Variants in LPP observed in about 807,000 individuals in gnomAD.
The protein encoded by LPP is LIM domain containing preferred translocation partner in lipoma, also known as lipoma-preferred partner.
Under a neutral mutation model 60.4 loss-of-function variants are expected in LPP, and 38 were observed. The observed-to-expected ratio is 0.63, with a 90% CI of 0.49 to 0.83. LPP has a LOEUF of 0.83. Ranked by LOEUF, LPP falls within the 40% of genes least tolerant of loss-of-function variation. LPP has a pLI of 0.00. For synonymous variants in LPP, 328 were observed against 290.8 expected, an observed-to-expected ratio of 1.13 and a Z score of -1.30; for missense variants, 902 against 783.6, an observed-to-expected ratio of 1.15 and a Z score of -1.80.
chr3:188,457,632 C>T (rs1399364054), intron 4 of LPP, among the ~76,000 whole-genome samples: 5 of 151,690 alleles, frequency 3.3e-5, no homozygotes, highest in Admixed American at 6.6e-5. Context: ...GTGGCTCACA[C>T]CTGTAATCCA....
At chr3:188,212,047 C>G (rs991307586) in intron 1 of LPP, among the ~76,000 whole-genome samples, 1 of 152,008 alleles carries the variant, frequency 6.6e-6, no homozygotes, top group Admixed American at 6.6e-5. Flanking sequence ...TTAGTAGAGA[C>G]CAGTTTTCAC....
At chr3:188,575,119 T>C (rs1834331951) in intron 6 of LPP, among the ~76,000 whole-genome samples, 1 of 152,140 alleles carries the variant, frequency 6.6e-6, no homozygotes, top group Admixed American at 6.5e-5. Flanking sequence ...AAATTGCCTC[T>C]GACATGGCAG....
intron 9 of LPP, among the ~76,000 whole-genome samples, chr3:188,783,990 A>C (rs564132135): frequency 6.6e-6 from 1 of 152,136 alleles, no homozygotes; most frequent in Non-Finnish European, 1.5e-5. Context: ...GTAAGTTCTT[A>C]GTGGTGATTT....
At position 188,881,058 on chromosome 3, in the gene LPP, T is replaced by G; in HGVS notation, c.*6579T>G. ...AGGAGGCTGAGGCAGGAGAATGGCG[T>G]GAACCCGGGAAGCGGAGCTTTCAGT... On this transcript the variant is annotated 3_prime_UTR_variant, in exon 12 of 12. Transcript: ENST00000617246. The G allele has an allele frequency of 6.4e-6, 1 of 155,334 alleles. No homozygotes were observed. The highest frequency in any genetic ancestry group is 1.4e-5 in the Non-Finnish European group (1 of 72,252). The allele number at this position is 155,334 out of a possible 1,614,324, so 9.6% of individuals were successfully genotyped here. A position where few individuals can be genotyped will look rare whatever the true frequency, so the allele number is the denominator to read the frequency against.
intron 8 of LPP, among the ~76,000 whole-genome samples, chr3:188,754,858 A>G (rs1729619219): frequency 6.6e-6 from 1 of 152,212 alleles, no homozygotes; most frequent in Non-Finnish European, 1.5e-5. Flanking sequence ...TGGGCCTGTC[A>G]TATAAAGAAT....
chr3:188,562,107 CCCTTTTCAGGGTCT>C (rs1420389387), intron 6 of LPP: 31 of 152,096 alleles, frequency 2.0e-4, no homozygotes, highest in African/African-American at 7.5e-4. Context: ...ACACACTCAT[CCCTTTTCAGGGTCT>C]CCTGACGACC....
intron 3 of LPP, among the ~76,000 whole-genome samples, chr3:188,396,016 G>C (rs1449578862): frequency 6.6e-6 from 1 of 152,142 alleles, no homozygotes; most frequent in African/African-American, 2.4e-5. Context: ...TAGTAGTTCT[G>C]ATGTAGGATA....
chr3:188,471,002 T>C (rs1801705792), intron 4 of LPP, among the ~76,000 whole-genome samples: 1 of 152,178 alleles, frequency 6.6e-6, no homozygotes, highest in Admixed American at 6.5e-5. Context: ...ATTCCTCCTT[T>C]TCAGAATGAG....
chr3:188,800,451 T>G (rs1173441586), intron 9 of LPP, among the ~76,000 whole-genome samples: 1 of 151,980 alleles, frequency 6.6e-6, no homozygotes, highest in Non-Finnish European at 1.5e-5. Flanking sequence ...TTCATCGTGT[T>G]AGCCAGGATG....
rs144723250 is a variant in LPP at position 188,279,882 on chromosome 3, G to A, written c.-67+54355G>A. 4.4e-4 allele frequency among the ~76,000 whole-genome samples: 67 copies of A among 152,294 alleles called. No individual in the cohort carries two copies. In the East Asian group the frequency reaches 0.012, roughly 27 times the overall value. On this transcript the variant is annotated intron_variant, in intron 2 of 11. Coordinates refer to ENST00000617246, the MANE Select transcript of LPP (RefSeq NM_001375462.1). Reference sequence around the variant, plus strand: ...TTCCTCTAATTTAATATAGAGAGCTGTGTGTCTCCACCTGGTGACCGAATC... The same window carrying A: ...TTCCTCTAATTTAATATAGAGAGCTATGTGTCTCCACCTGGTGACCGAATC...
intron 3 of LPP, among the ~76,000 whole-genome samples, chr3:188,368,709 CACACACACACAGAG>C (rs1303697658): frequency 1.2e-3 from 146 of 123,328 alleles, no homozygotes; most frequent in African/African-American, 2.7e-3. Context: ...CACACACACA[CACACACACACAGAG>C]AGAGAGAGAG....
chr3:188,546,493 C>A (rs1371047476), intron 6 of LPP, among the ~76,000 whole-genome samples: 1 of 152,050 alleles, frequency 6.6e-6, no homozygotes, highest in African/African-American at 2.4e-5. Flanking sequence ...TCTAGGAGAT[C>A]TCAAGAAAAG....
intron 2 of LPP, among the ~76,000 whole-genome samples, chr3:188,290,196 G>C (rs901022224): frequency 6.6e-6 from 1 of 152,002 alleles, no homozygotes; most frequent in Non-Finnish European, 1.5e-5. Flanking sequence ...AGCTGGTCTC[G>C]ATCTCCTGAC....
intron 2 of LPP, among the ~76,000 whole-genome samples, chr3:188,239,263 CA>C (rs1223123532): frequency 3.3e-5 from 5 of 152,214 alleles, no homozygotes; most frequent in Non-Finnish European, 7.3e-5. Flanking sequence ...CCCATTCAGG[CA>C]CACACTTACT....
chr3:188,584,389 C>T (rs1836933127), intron 6 of LPP: 1 of 151,916 alleles, frequency 6.6e-6, no homozygotes, highest in African/African-American at 2.4e-5. Flanking sequence ...AAACTTTTTC[C>T]GTAGGTTGCG....
chr3:188,334,422 CTTTTTTTTTT>C (rs71167095), intron 2 of LPP, among the ~76,000 whole-genome samples: 2 of 98,676 alleles, frequency 2.0e-5, no homozygotes, highest in Non-Finnish European at 1.9e-5. Flanking sequence ...ATATTTCTTT[CTTTTTTTTTT>C]TTTTTTTTTT....
chr3:188,862,472 A>G (rs1220092144), intron 9 of LPP, among the ~76,000 whole-genome samples: 1 of 152,106 alleles, frequency 6.6e-6, no homozygotes, highest in African/African-American at 2.4e-5. Context: ...TTGAAGAATG[A>G]GTAGGCATTC....
chr3:188,337,224 C>T (rs894754981), intron 2 of LPP, among the ~76,000 whole-genome samples: 12 of 152,144 alleles, frequency 7.9e-5, no homozygotes, highest in African/African-American at 2.7e-4. Context: ...TATGCACTCC[C>T]AGAGCAAGAG....
chr3:188,469,679 A>G (rs1308387954), intron 4 of LPP, among the ~76,000 whole-genome samples: 1 of 152,136 alleles, frequency 6.6e-6, no homozygotes, highest in East Asian at 1.9e-4. Flanking sequence ...CGTTTTAGTT[A>G]CGGTCTTATG....
Sources: allele counts gnomAD v4.1 joint callset (sites outside exome capture counted in the v4.1 genomes callset), GRCh38; gene constraint gnomAD v4.1.1; transcripts MANE v1.5; gene names NCBI Gene and HGNC (gene_info 2026-07-23, HGNC 2026-07-21).